The following DNAJA3 variants were observed in gnomAD, a reference collection of about 807,000 sequenced individuals.
DNAJA3 encodes DnaJ heat shock protein family (Hsp40) member A3.
In DNAJA3, 29 loss-of-function variants were observed where a neutral mutation model predicts 54.9. That is an observed-to-expected ratio of 0.53 (90% CI 0.39 to 0.72). The LOEUF is 0.72. Among genes scored for constraint, DNAJA3 ranks in the 30% least tolerant of loss-of-function variants. The pLI is 0.00. For missense variants in DNAJA3, 708 were observed against 639.4 expected, an observed-to-expected ratio of 1.11 and a Z score of -1.16; for synonymous variants, 302 against 251.4, an observed-to-expected ratio of 1.20 and a Z score of -1.90.
At position 4,434,263 on chromosome 16, in the gene DNAJA3, A is replaced by G. The variant is rs923829068; in HGVS notation, c.212-121A>G. On this transcript the variant is annotated intron_variant, in intron 1 of 11. Coordinates refer to ENST00000262375, the MANE Select transcript of DNAJA3 (RefSeq NM_005147.6). ...TTCTAGTTGAGATCTGGGTGGGGAC[A>G]CAGCCAAACCTTATCAGTTTGTTTG... 14 of 1,159,078 alleles carry G rather than the reference A, an allele frequency of 1.2e-5. No individual in the cohort carries two copies. The African/African-American group carries it at 1.7e-4, about 14-fold the overall frequency. 71.8% of individuals were successfully genotyped at this position (1,159,078 alleles called of 1,614,324 possible).
At chr16:4,433,061 G>A (rs976084123) in intron 1 of DNAJA3, 2 of 152,188 alleles carry the variant, frequency 1.3e-5, no homozygotes, top group Admixed American at 6.6e-5. Flanking sequence ...AGAATGGCGT[G>A]AACCCGGGAA....
chr16:4,450,010 T>A (rs936178965), intron 9 of DNAJA3: 10 of 161,196 alleles, frequency 6.2e-5, no homozygotes, highest in East Asian at 5.3e-4. Context: ...GGATGGTCTC[T>A]ATCTCCTGAC....
At position 4,434,886 on chromosome 16, in the gene DNAJA3, C is replaced by CTTTT. The variant is rs202179531; in HGVS notation, c.345+394_345+397dup. Among the ~76,000 whole-genome samples, 204 of 100,158 alleles carry CTTTT rather than the reference C, an allele frequency of 2.0e-3. 8 individuals carry two copies. Among genetic ancestry groups the CTTTT allele is most frequent in the African/African-American group, 4.4e-3 (107 of 24,316 alleles). 65.7% of individuals were successfully genotyped at this position (100,158 alleles called of 152,430 possible). A position where few individuals can be genotyped will look rare whatever the true frequency, so the allele number is the denominator to read the frequency against. ...GGTTTAGAATTACTTCCTTTCCTTT[C>CTTTT]TTTTTTTTTTTTTTTTTTTTTTTTT... On this transcript the variant is annotated intron_variant, in intron 2 of 11. Coordinates refer to ENST00000262375, the MANE Select transcript of DNAJA3 (RefSeq NM_005147.6).
chr16:4,439,748 G>GGAAGTCA (rs1416197471), intron 3 of DNAJA3, among the ~76,000 whole-genome samples: 1 of 152,084 alleles, frequency 6.6e-6, no homozygotes, highest in East Asian at 1.9e-4. Context: ...AAACCCACCA[G>GGAAGTCA]GAAGTCATGA....
At position 4,450,460 on chromosome 16, in the gene DNAJA3, G is replaced by A. The variant is rs757147559; in HGVS notation, c.1302G>A (p.Val434=). 1.9e-6 allele frequency: 3 copies of A among 1,612,146 alleles called. No homozygotes were observed. The South Asian group carries it at 3.3e-5, about 18-fold the overall frequency. Residue 434 remains valine (V), a synonymous_variant, in exon 10 of 12, where the codon GTG becomes GTA. Transcript: ENST00000262375. ...GCTACGCCGAGGACGAGACAGATGTGGAGGGGACGGTGAACGGCGTCACCC... is the reference window on the plus strand; with the variant it reads ...GCTACGCCGAGGACGAGACAGATGTAGAGGGGACGGTGAACGGCGTCACCC... ...ILSYAEDETD[V]EGTVNGVTLT...
chr16:4,430,729 T>A (rs762383800), intron 1 of DNAJA3: 1 of 152,114 alleles, frequency 6.6e-6, no homozygotes, highest in Non-Finnish European at 1.5e-5. Flanking sequence ...TTGTTAATCA[T>A]TGATGCCCTA....
In DNAJA3 at chr16:4,441,416, C is replaced by T. The variant is rs139524293; in HGVS notation, c.471C>T (p.Tyr157=). The T allele has an allele frequency of 3.2e-5, 52 of 1,613,984 alleles. No homozygotes were observed. Among genetic ancestry groups the T allele is most frequent in the Non-Finnish European group, 4.2e-5 (49 of 1,180,044 alleles). Residue 157 remains tyrosine (Y), a synonymous_variant, in exon 4 of 12, where the codon TAC becomes TAT. Transcript: ENST00000262375. ...DEVKRKQYDA[Y]GSAGFDPGAS... is the part of the protein sequence containing the mutation. ...TGAAGAGGAAGCAGTACGATGCCTA[C>T]GGCTCTGCAGGCTTCGATCCTGGGG...
chr16:4,426,358 T>C (rs946710244), intron 1 of DNAJA3, among the ~76,000 whole-genome samples: 1 of 152,220 alleles, frequency 6.6e-6, no homozygotes, highest in African/African-American at 2.4e-5. Flanking sequence ...TCAACATTTC[T>C]GGAGGCCGCT....
intron 5 of DNAJA3, chr16:4,442,780 T>TA: frequency 1.7e-6 from 1 of 581,906 alleles, no homozygotes; most frequent in South Asian, 2.3e-5. Context: ...GGCGGTATCA[T>TA]ATTTTTCAGT....
chr16:4,451,752 G>GA (rs57814611), intron 10 of DNAJA3, among the ~76,000 whole-genome samples: 1,403 of 41,432 alleles, frequency 0.034, 61 homozygotes, highest in East Asian at 0.095. Context: ...GAGACTCTCT[G>GA]AAAAAAAAAA....
intron 10 of DNAJA3, 45 bp downstream of exon 10, chr16:4,450,542 GC>G (rs2056965705): frequency 1.3e-6 from 2 of 1,487,562 alleles, no homozygotes; most frequent in South Asian, 1.2e-5. Flanking sequence ...GGGCCTCAGA[GC>G]CCCCCAGGGT....
chr16:4,453,498 C>T (rs35845596), intron 10 of DNAJA3, among the ~76,000 whole-genome samples: 1,711 of 151,212 alleles, frequency 0.011, 37 homozygotes, highest in African/African-American at 0.04. Flanking sequence ...AGTGCAGTGG[C>T]GTGATCTCGG....
At chr16:4,445,049 C>A (rs899478460) in intron 7 of DNAJA3, among the ~76,000 whole-genome samples, 1 of 152,166 alleles carries the variant, frequency 6.6e-6, no homozygotes, top group African/African-American at 2.4e-5. Context: ...ATTTTACATA[C>A]TGTATACAGG....
chr16:4,448,114 C>T (rs1287900847), intron 8 of DNAJA3, among the ~76,000 whole-genome samples: 9 of 140,618 alleles, frequency 6.4e-5, no homozygotes, highest in Non-Finnish European at 1.4e-4. Flanking sequence ...TGGCAATCTC[C>T]GCCTCCCAGG....
At position 4,454,862 on chromosome 16, in the gene DNAJA3, G is replaced by C; in HGVS notation, c.1391G>C (p.Gly464Ala). Reference protein sequence around the residue: ...SAGSKARREAGEDEEGFLSKL... With the variant: ...SAGSKARREAAEDEEGFLSKL... ...GGAAGCAAGGCTAGGCGTGAGGCTGGGGAGGACGAGGAGGGATTCCTTTCC... is the reference window on the plus strand; with the variant it reads ...GGAAGCAAGGCTAGGCGTGAGGCTGCGGAGGACGAGGAGGGATTCCTTTCC... The change falls in exon 11 of 12, where the codon GGG becomes GCG. Residue 464 changes from glycine (G) to alanine (A), a missense_variant. Physicochemically the swap from Gly to Ala is moderately conservative, Grantham distance 60. Transcript: ENST00000262375. 1 of 1,614,112 alleles carries C rather than the reference G, an allele frequency of 6.2e-7. No individual in the cohort carries two copies. The highest frequency in any genetic ancestry group is 8.5e-7 in the Non-Finnish European group (1 of 1,179,992).
In DNAJA3 at chr16:4,456,302, G is replaced by C. The variant is rs1325754029; in HGVS notation, c.*770G>C. ...AGGCATGGAGGGCTCCTGCCCTTCT[G>C]CTGAGCCACAGCCCATTGCAGCACT... On this transcript the variant is annotated 3_prime_UTR_variant, in exon 12 of 12. Coordinates refer to ENST00000262375, the MANE Select transcript of DNAJA3 (RefSeq NM_005147.6). 2 of 152,410 alleles carry C rather than the reference G, an allele frequency of 1.3e-5. No homozygotes were observed. Among genetic ancestry groups the C allele is most frequent in the African/African-American group, 2.4e-5 (1 of 41,468 alleles). The allele number at this position is 152,410 out of a possible 1,614,324, so 9.4% of individuals were successfully genotyped here.
chr16:4,439,120 C>T (rs2056809070), intron 3 of DNAJA3, among the ~76,000 whole-genome samples: 1 of 151,362 alleles, frequency 6.6e-6, no homozygotes, highest in Non-Finnish European at 1.5e-5. Flanking sequence ...CCAAGACAGG[C>T]AGATCAGGAG....
At chr16:4,438,176 G>A (rs527289553) in intron 3 of DNAJA3, among the ~76,000 whole-genome samples, 10 of 152,242 alleles carry the variant, frequency 6.6e-5, no homozygotes, top group African/African-American at 2.4e-4. Context: ...AATTAGCCGG[G>A]CATGGCGGCA....
chr16:4,442,540 T>A, intron 5 of DNAJA3, 120 bp downstream of exon 5: 1 of 1,226,824 alleles, frequency 8.2e-7, no homozygotes, highest in Non-Finnish European at 1.1e-6. Context: ...GAACTCAGCC[T>A]GGCTGTCTTT....
Sources: allele counts gnomAD v4.1 joint callset (sites outside exome capture counted in the v4.1 genomes callset), GRCh38; gene constraint gnomAD v4.1.1; transcripts MANE v1.5; gene names NCBI Gene and HGNC (gene_info 2026-07-23, HGNC 2026-07-21).